RPH3A: variants seen among roughly 807,000 people sequenced by gnomAD.
RPH3A encodes rabphilin 3A.
RPH3A carries 48 observed loss-of-function variants against 102.2 expected under a neutral mutation model. The observed-to-expected ratio is 0.47, with a 90% CI of 0.37 to 0.60. RPH3A has a LOEUF of 0.60. Among genes scored for constraint, RPH3A ranks in the 20% least tolerant of loss-of-function variants. RPH3A has a pLI of 0.00. For missense variants in RPH3A, 781 were observed against 910.1 expected (o/e 0.86, Z 1.83); for synonymous variants, 310 against 324.3 (o/e 0.96, Z 0.47).
At chr12:112,599,776 A>G (rs2039545702) in intron 1 of RPH3A, among the ~76,000 whole-genome samples, 1 of 152,208 alleles carries the variant, frequency 6.6e-6, no homozygotes. Flanking sequence ...GATATTAAAA[A>G]AAAGTTAAAT....
At chr12:112,589,070 G>A (rs1194044536) in intron 1 of RPH3A, among the ~76,000 whole-genome samples, 2 of 151,998 alleles carry the variant, frequency 1.3e-5, no homozygotes, top group African/African-American at 4.8e-5. Flanking sequence ...CTTGAGGCAG[G>A]AGAAACACAG....
Position 112,869,908 on chromosome 12 carries a change from C to T in RPH3A, c.665C>T (p.Ser222Phe). The T allele has an allele frequency of 1.2e-6, 2 of 1,614,120 alleles. No homozygotes were observed. Among genetic ancestry groups the T allele is most frequent in the Non-Finnish European group, 1.7e-6 (2 of 1,179,996 alleles). Residue 222 changes from serine (S) to phenylalanine (F), a missense_variant, in exon 10 of 22, where the codon TCT becomes TTT. Ser to Phe is a radical substitution (Grantham distance 155). Transcript: ENST00000389385. Reference protein sequence around the residue: ...PGQKTGPDPASAPGRGNYGPP... With the variant: ...PGQKTGPDPAFAPGRGNYGPP... ...TTCTTTCCAGGCCCTGACCCAGCCT[C>T]TGCTCCCGGGCGAGGAAACTATGGG...
upstream of RPH3A, among the ~76,000 whole-genome samples, chr12:112,786,758 T>G (rs1461684413): frequency 6.6e-6 from 1 of 152,102 alleles, no homozygotes; most frequent in Non-Finnish European, 1.5e-5. Flanking sequence ...TATGGGCTTC[T>G]TAATGTAGGG....
intron 1 of RPH3A, among the ~76,000 whole-genome samples, chr12:112,663,387 T>C (rs1002511203): frequency 3.9e-5 from 6 of 152,136 alleles, no homozygotes; most frequent in Non-Finnish European, 5.9e-5. Flanking sequence ...TTTATATATA[T>C]GTATTTTGTA....
At chr12:112,674,640 A>G (rs1298961653) in intron 1 of RPH3A, among the ~76,000 whole-genome samples, 2 of 152,148 alleles carry the variant, frequency 1.3e-5, no homozygotes, top group African/African-American at 4.8e-5. Context: ...CCTCCTCCCC[A>G]GCATCCAGAG....
chr12:112,619,246 C>CTGTGTGTGTGTG (rs60894997), intron 1 of RPH3A, among the ~76,000 whole-genome samples: 4 of 125,364 alleles, frequency 3.2e-5, no homozygotes, highest in Admixed American at 8.0e-5. Flanking sequence ...TATGGTAATT[C>CTGTGTGTGTGTG]TGTGTGTGTG....
chr12:112,687,135 C>T (rs990499704), intron 1 of RPH3A, among the ~76,000 whole-genome samples: 1 of 152,062 alleles, frequency 6.6e-6, no homozygotes, highest in African/African-American at 2.4e-5. Flanking sequence ...CATTTGGCTG[C>T]AAGTAAGAGA....
At chr12:112,768,474 C>T (rs1418973377) in intron 1 of RPH3A, among the ~76,000 whole-genome samples, 4 of 152,228 alleles carry the variant, frequency 2.6e-5, no homozygotes, top group South Asian at 2.1e-4. Context: ...ATGCCAGGCA[C>T]GTCTCTGCCT....
At chr12:112,896,253 G>A (rs1211716794) in intron 21 of RPH3A, among the ~76,000 whole-genome samples, 1 of 152,154 alleles carries the variant, frequency 6.6e-6, no homozygotes, top group Non-Finnish European at 1.5e-5. Flanking sequence ...GAAGCAGGGG[G>A]GTGGGGACTC....
chr12:112,859,332 GC>G (rs1278502403), intron 5 of RPH3A, among the ~76,000 whole-genome samples: 1 of 152,182 alleles, frequency 6.6e-6, no homozygotes, highest in African/African-American at 2.4e-5. Context: ...CAAACCCGTG[GC>G]TTTTAACCAT....
intron 1 of RPH3A, among the ~76,000 whole-genome samples, chr12:112,602,672 C>T (rs2039567755): frequency 6.6e-6 from 1 of 151,876 alleles, no homozygotes; most frequent in Admixed American, 6.6e-5. Flanking sequence ...GCCTGTAATC[C>T]CAGCTACTCA....
chr12:112,793,037 G>A (rs1250911234), intron 2 of RPH3A, among the ~76,000 whole-genome samples: 1 of 152,206 alleles, frequency 6.6e-6, no homozygotes, highest in East Asian at 1.9e-4. Flanking sequence ...GGGGAACAAA[G>A]CTTGTTCAAA....
At chr12:112,630,668 C>T (rs568914452) in intron 1 of RPH3A, among the ~76,000 whole-genome samples, 150 of 152,204 alleles carry the variant, frequency 9.9e-4, no homozygotes, top group Non-Finnish European at 1.8e-3. Context: ...AGATTCTGGG[C>T]GGGGAACCAG....
In RPH3A at chr12:112,691,825, T is replaced by C. The variant is rs114256700; in HGVS notation, c.-139-100318T>C. The stretch of plus-strand genomic sequence containing the variant: ...ATCCCACTTTAAGTGCAATATGTCA[T>C]TGAGTTCTCAAAATGATTTTAATTG... On this transcript the variant is annotated intron_variant, in intron 1 of 21. Coordinates refer to the RPH3A transcript ENST00000543106. Among the ~76,000 whole-genome samples the C allele has an allele frequency of 2.1e-3, 320 of 152,332 alleles. 6 individuals carry two copies. Among genetic ancestry groups the C allele is most frequent in the African/African-American group, 7.3e-3 (305 of 41,574 alleles).
chr12:112,632,051 T>C (rs2039810676), intron 1 of RPH3A, among the ~76,000 whole-genome samples: 1 of 152,114 alleles, frequency 6.6e-6, no homozygotes, highest in Non-Finnish European at 1.5e-5. Context: ...TGGGGGTAGG[T>C]CTTTCCTGCA....
intron 1 of RPH3A, among the ~76,000 whole-genome samples, chr12:112,686,788 T>C (rs2040267649): frequency 6.6e-6 from 1 of 152,208 alleles, no homozygotes; most frequent in African/African-American, 2.4e-5. Flanking sequence ...TATGCAGCAA[T>C]AGATCACTGG....
chr12:112,698,743 G>A (rs771777328), intron 1 of RPH3A, among the ~76,000 whole-genome samples: 2 of 152,300 alleles, frequency 1.3e-5, no homozygotes, highest in East Asian at 1.9e-4. Context: ...TGAAGCCACT[G>A]GAACTCTCAT....
At chr12:112,820,029 C>G (rs1252403912) in intron 2 of RPH3A, among the ~76,000 whole-genome samples, 1 of 152,150 alleles carries the variant, frequency 6.6e-6, no homozygotes, top group Non-Finnish European at 1.5e-5. Flanking sequence ...GACAAGGATA[C>G]AGAAAGGGAA....
chr12:112,616,178 G>A (rs990248608), intron 1 of RPH3A, among the ~76,000 whole-genome samples: 1 of 151,978 alleles, frequency 6.6e-6, no homozygotes, highest in African/African-American at 2.4e-5. Context: ...ACAGAATCTT[G>A]CTCTGTCACT....
Sources: allele counts gnomAD v4.1 joint callset (sites outside exome capture counted in the v4.1 genomes callset), GRCh38; gene constraint gnomAD v4.1.1; transcripts MANE v1.5; gene names NCBI Gene and HGNC (gene_info 2026-07-23, HGNC 2026-07-21).